The following RPH3AL variants were observed in gnomAD, a reference collection of about 807,000 sequenced individuals.
RPH3AL encodes the protein rabphilin 3A like (without C2 domains), also known as rab effector Noc2.
In RPH3AL, 38 loss-of-function variants were observed where a neutral mutation model predicts 43.1. The ratio of observed to expected loss-of-function variants is 0.88; its 90% CI spans 0.68 to 1.15. The LOEUF is 1.15. RPH3AL is among the 50% of genes most tolerant of loss of function. The probability of loss-of-function intolerance (pLI) is 0.00; values close to 1 mark genes in which losing one functional copy is unlikely to be tolerated. For missense variants in RPH3AL, 462 were observed against 423.2 expected (o/e 1.09, Z -0.81); for synonymous variants, 189 against 176.3 (o/e 1.07, Z -0.57).
chr17:266,297 G>GGT (rs782240778), intron 6 of RPH3AL, among the ~76,000 whole-genome samples: 5 of 150,344 alleles, frequency 3.3e-5, no homozygotes, highest in Non-Finnish European at 7.4e-5. Flanking sequence ...TCCCCAGTGG[G>GGT]GTGTGTGTGT....
chr17:312,041 C>T (rs1002096316), intron 5 of RPH3AL, among the ~76,000 whole-genome samples: 1 of 152,054 alleles, frequency 6.6e-6, no homozygotes, highest in Non-Finnish European at 1.5e-5. Context: ...CTGTGGCTCA[C>T]GTCTGTAATC....
In RPH3AL at chr17:217,205, GA is replaced by G. The variant is rs575806283; in HGVS notation, c.728-1404del. Among the ~76,000 whole-genome samples the G allele has an allele frequency of 3.8e-3, 545 of 143,490 alleles. 1 individual carries two copies. The highest frequency in any genetic ancestry group is 0.014 in the African/African-American group (505 of 37,018). The allele number at this position is 143,490 out of a possible 152,430, so 94.1% of individuals were successfully genotyped here. A position where few individuals can be genotyped will look rare whatever the true frequency, so the allele number is the denominator to read the frequency against. On this transcript the variant is annotated intron_variant, in intron 8 of 9. Coordinates refer to ENST00000331302, the MANE Select transcript of RPH3AL (RefSeq NM_006987.4). ...CTAAAATTGGCCTCACTGAAATCAG[GA>G]CCCCCAAGGCATTTCGTTCCCATCT... is the stretch of plus-strand genomic sequence containing the variant.
chr17:238,775 A>T (rs2041461754), intron 7 of RPH3AL, among the ~76,000 whole-genome samples: 1 of 152,148 alleles, frequency 6.6e-6, no homozygotes, highest in Non-Finnish European at 1.5e-5. Context: ...ACAGGGTGGA[A>T]ATCCAGCTTG....
intron 5 of RPH3AL, among the ~76,000 whole-genome samples, chr17:304,385 G>A (rs923221466): frequency 6.6e-5 from 10 of 152,146 alleles, no homozygotes; most frequent in Middle Eastern, 3.4e-3. Context: ...AGAATCCAGC[G>A]TTCTAAACCT....
At chr17:231,076 C>T (rs1195877073) in intron 7 of RPH3AL, among the ~76,000 whole-genome samples, 3 of 152,158 alleles carry the variant, frequency 2.0e-5, no homozygotes, top group African/African-American at 7.2e-5. Flanking sequence ...TCAGAGCCTT[C>T]TAGAGTGTTT....
chr17:215,506 G>A lies in RPH3AL; in HGVS notation c.876+148C>T, dbSNP rs1443690837. On this transcript the variant is annotated intron_variant, in intron 9 of 9. Coordinates refer to ENST00000331302, the MANE Select transcript of RPH3AL (RefSeq NM_006987.4). The surrounding 1 kb of genome is among the most constrained non-coding windows in gnomAD (Gnocchi z 4.1). ...TTCCTTGCAGGCAGGGATGGGGTCT[G>A]GCTCACCTTGTTCCCCCGCACAGTG... The A allele has an allele frequency of 8.5e-6, 6 of 704,998 alleles. No individual in the cohort carries two copies. Among genetic ancestry groups the A allele is most frequent in the East Asian group, 6.8e-5 (2 of 29,400 alleles). The allele number at this position is 704,998 out of a possible 1,614,324, so 43.7% of individuals were successfully genotyped here.
chr17:317,945 C>T (rs976554476), intron 5 of RPH3AL, among the ~76,000 whole-genome samples: 1 of 151,536 alleles, frequency 6.6e-6, no homozygotes, highest in Non-Finnish European at 1.5e-5. Flanking sequence ...ACCCTCCACC[C>T]TCTGTTGTTT....
Position 314,408 on chromosome 17 carries a change from C to T in RPH3AL, c.351+5012G>A, listed in dbSNP as rs544476002. Among the ~76,000 whole-genome samples, 11 of 122,366 alleles carry T rather than the reference C, an allele frequency of 9.0e-5. No individual in the cohort carries two copies. The South Asian group carries it at 1.4e-3, about 16-fold the overall frequency. The allele number at this position is 122,366 out of a possible 152,430, so 80.3% of individuals were successfully genotyped here. ...GTTGGCCATTCCCAAGTCTCTGTGCCCCACCTCCACTGACATGTAGTCCCT... is the reference window on the plus strand; with the variant it reads ...GTTGGCCATTCCCAAGTCTCTGTGCTCCACCTCCACTGACATGTAGTCCCT... On this transcript the variant is annotated intron_variant, in intron 5 of 9. Transcript: ENST00000331302.
intron 6 of RPH3AL, 109 bp from the exon 7 acceptor site, chr17:247,394 G>T: frequency 1.7e-6 from 2 of 1,171,862 alleles, no homozygotes; most frequent in Non-Finnish European, 2.3e-6. Flanking sequence ...GAGCAGAGTG[G>T]GAGTGGGAAC....
chr17:281,912 G>A, intron 5 of RPH3AL, 58 bp from the exon 6 acceptor site: 1 of 1,344,762 alleles, frequency 7.4e-7, no homozygotes, highest in Non-Finnish European at 1.1e-6. Flanking sequence ...CTCCGCCGAG[G>A]GGCTCAGACA....
intron 6 of RPH3AL, among the ~76,000 whole-genome samples, chr17:277,160 T>C (rs2042674722): frequency 6.6e-6 from 1 of 152,178 alleles, no homozygotes; most frequent in Non-Finnish European, 1.5e-5. Context: ...ACAATTTAAA[T>C]GTCCTCAATT....
intron 6 of RPH3AL, among the ~76,000 whole-genome samples, chr17:250,566 T>G (rs1211830046): frequency 8.6e-6 from 1 of 116,486 alleles, no homozygotes; most frequent in Non-Finnish European, 1.8e-5. Flanking sequence ...CTTCTCAGAG[T>G]CTTTACTAAG....
chr17:278,140 A>C (rs1294883386), intron 6 of RPH3AL, among the ~76,000 whole-genome samples: 1 of 151,954 alleles, frequency 6.6e-6, no homozygotes. Flanking sequence ...ACCCAGTGGG[A>C]GGTAATTGAA....
At chr17:302,177 G>A (rs4638649) in intron 5 of RPH3AL, among the ~76,000 whole-genome samples, 13,213 of 152,350 alleles carry the variant, frequency 0.087, 686 homozygotes, top group African/African-American at 0.14. Context: ...GAGGCTGCAA[G>A]GCCTGGACTG....
intron 7 of RPH3AL, among the ~76,000 whole-genome samples, chr17:229,743 C>T (rs1362876163): frequency 6.6e-6 from 1 of 152,126 alleles, no homozygotes; most frequent in Non-Finnish European, 1.5e-5. Flanking sequence ...CCTGCTCTTC[C>T]AAACCCACCT....
chr17:284,740 T>C (rs55995547), intron 5 of RPH3AL, among the ~76,000 whole-genome samples: 8,102 of 152,226 alleles, frequency 0.053, 297 homozygotes, highest in Non-Finnish European at 0.081. Flanking sequence ...CTCTGCCCCA[T>C]CGTAGTCAGC....
At chr17:301,079 A>G (rs2043317121) in intron 5 of RPH3AL, among the ~76,000 whole-genome samples, 1 of 152,240 alleles carries the variant, frequency 6.6e-6, no homozygotes, top group South Asian at 2.1e-4. Flanking sequence ...CCCACTCTGT[A>G]GGGGCGCTGC....
At chr17:304,328 A>C (rs1292638055) in intron 5 of RPH3AL, among the ~76,000 whole-genome samples, 3 of 151,954 alleles carry the variant, frequency 2.0e-5, no homozygotes, top group African/African-American at 7.3e-5. Flanking sequence ...GACCTGAAGC[A>C]GACAGAGGTG....
chr17:221,872 C>G (rs1434210849), intron 7 of RPH3AL, among the ~76,000 whole-genome samples: 1 of 125,322 alleles, frequency 8.0e-6, no homozygotes, highest in Non-Finnish European at 1.7e-5. Flanking sequence ...CCTCCACTCA[C>G]TGAGACAATA....
Sources: gnomAD v4.1 joint callset for allele counts (sites outside exome capture counted in the v4.1 genomes callset) on GRCh38, gnomAD v4.1.1 for gene constraint, Gnocchi (gnomAD v3.1) non-coding constraint, MANE v1.5 for transcripts, NCBI Gene and HGNC (gene_info 2026-07-23, HGNC 2026-07-21) for gene names.